COBLL1: variants seen among roughly 807,000 people sequenced by gnomAD.
The protein encoded by COBLL1 is cordon-bleu protein-like 1.
Under a neutral mutation model 94.8 loss-of-function variants are expected in COBLL1, and 50 were observed. The ratio of observed to expected loss-of-function variants is 0.53; its 90% confidence interval spans 0.42 to 0.67. The LOEUF (loss-of-function observed/expected upper bound fraction) is 0.67. COBLL1 is among the 30% of genes least tolerant of loss of function. The probability of loss-of-function intolerance (pLI) is 0.00; values close to 1 mark genes in which losing one functional copy is unlikely to be tolerated. For missense variants in COBLL1, 1,362 were observed against 1,348.7 expected (o/e 1.01, Z -0.15); for synonymous variants, 448 against 473.8 (o/e 0.95, Z 0.71).
chr2:164,757,882 T>C (rs1483249004), intron 2 of COBLL1, among the ~76,000 whole-genome samples: 1 of 151,900 alleles, frequency 6.6e-6, no homozygotes, highest in Non-Finnish European at 1.5e-5. Flanking sequence ...TTTCAGTTTG[T>C]CTCTGGGTTT....
At chr2:164,799,019 C>CAAAAAA (rs555113117) in intron 2 of COBLL1, among the ~76,000 whole-genome samples, 1,606 of 69,162 alleles carry the variant, frequency 0.023, 102 homozygotes, top group South Asian at 0.031. Flanking sequence ...GACTCCGTCT[C>CAAAAAA]AAAAAAAAAA....
chr2:164,841,013 C>T lies in COBLL1; in HGVS notation c.41+143G>A. 1 of 950,354 alleles carries T rather than the reference C, an allele frequency of 1.1e-6. No individual in the cohort carries two copies. The highest frequency in any genetic ancestry group is 1.4e-6 in the Non-Finnish European group (1 of 733,620). The allele number at this position is 950,354 out of a possible 1,614,324, so 58.9% of individuals were successfully genotyped here. ...TCCGAGAAGGCCGGGAGGAAGCAGC[C>T]TCCCCGGCCGCGTGGAGGACAGTCA... On this transcript the variant is annotated intron_variant, in intron 2 of 13. Coordinates refer to ENST00000652658, the MANE Select transcript of COBLL1 (RefSeq NM_001365672.2). The surrounding 1 kb of genome is among the most constrained non-coding windows in gnomAD (Gnocchi z 5.5).
intron 2 of COBLL1, among the ~76,000 whole-genome samples, chr2:164,756,579 T>C (rs1024761595): frequency 2.0e-5 from 3 of 152,172 alleles, no homozygotes; most frequent in East Asian, 1.9e-4. Context: ...TATTCTAGTA[T>C]CTATAAATTT....
At chr2:164,777,302 G>A (rs560705536) in intron 2 of COBLL1, among the ~76,000 whole-genome samples, 90 of 149,844 alleles carry the variant, frequency 6.0e-4, no homozygotes, top group Non-Finnish European at 1.0e-3. Context: ...AATATGCCAG[G>A]AAGAACAAAA....
chr2:164,802,974 G>T (rs1683888668), intron 2 of COBLL1, among the ~76,000 whole-genome samples: 2 of 152,094 alleles, frequency 1.3e-5, no homozygotes, highest in Admixed American at 6.5e-5. Flanking sequence ...TCTTTCTGAA[G>T]AACAGAAATT....
chr2:164,767,628 C>T lies in COBLL1; in HGVS notation c.42-23753G>A, dbSNP rs184042721. 5.2e-3 allele frequency among the ~76,000 whole-genome samples: 792 copies of T among 152,228 alleles called. 12 individuals are homozygous for T. The highest frequency in any genetic ancestry group is 0.018 in the African/African-American group (731 of 41,540). Reference sequence around the variant, plus strand: ...GTTCTCCTTTTCTACGTAGATCAAACATTTCAACACATCTGCAAAATAATT... The same window carrying T: ...GTTCTCCTTTTCTACGTAGATCAAATATTTCAACACATCTGCAAAATAATT... On this transcript the variant is annotated intron_variant, in intron 2 of 13. Coordinates refer to ENST00000652658, the MANE Select transcript of COBLL1 (RefSeq NM_001365672.2).
chr2:164,834,494 A>G (rs1312217574), intron 2 of COBLL1, among the ~76,000 whole-genome samples: 1 of 152,264 alleles, frequency 6.6e-6, no homozygotes, highest in African/African-American at 2.4e-5. Flanking sequence ...CACTCCATAC[A>G]GATAATAATT....
rs1049953831 is a variant in COBLL1, at chr2:164,700,161, C to A, written c.1460+361G>T. Among the ~76,000 whole-genome samples, 86 of 151,922 alleles carry A rather than the reference C, an allele frequency of 5.7e-4. 1 individual carries two copies. Among genetic ancestry groups the A allele is most frequent in the African/African-American group, 2.0e-3 (81 of 41,370 alleles). The stretch of plus-strand genomic sequence containing the variant: ...TAATATGCATAATTGTTTTCATATA[C>A]CAGTGAAAATCCACCAGGAATACTT... On this transcript the variant is annotated intron_variant, in intron 10 of 13. Coordinates refer to ENST00000652658, the MANE Select transcript of COBLL1 (RefSeq NM_001365672.2).
intron 9 of COBLL1, chr2:164,703,607 A>G: frequency 2.3e-6 from 1 of 426,922 alleles, no homozygotes; most frequent in Non-Finnish European, 4.7e-6. Context: ...ATATATGCTA[A>G]AATTCCAAAT....
At chr2:164,749,069 C>T (rs1245320637) in intron 2 of COBLL1, among the ~76,000 whole-genome samples, 2 of 151,928 alleles carry the variant, frequency 1.3e-5, no homozygotes, top group East Asian at 3.8e-4. Context: ...ATCATTACTC[C>T]ATTACTGTCA....
chr2:164,820,333 C>T (rs779501644), intron 2 of COBLL1, among the ~76,000 whole-genome samples: 5 of 152,114 alleles, frequency 3.3e-5, no homozygotes, highest in Non-Finnish European at 7.4e-5. Flanking sequence ...GATCCTTTCA[C>T]CTCAGCCTCC....
At chr2:164,736,855 A>C (rs1240545289) in intron 3 of COBLL1, among the ~76,000 whole-genome samples, 1 of 152,232 alleles carries the variant, frequency 6.6e-6, no homozygotes, top group Non-Finnish European at 1.5e-5. Flanking sequence ...ATATATGTGC[A>C]TGCCTAAGAA....
intron 2 of COBLL1, among the ~76,000 whole-genome samples, chr2:164,801,331 C>T (rs1006505367): frequency 6.9e-6 from 1 of 145,366 alleles, no homozygotes; most frequent in Non-Finnish European, 1.5e-5. Context: ...CCCAGCTACT[C>T]GGGAGGCTGA....
chr2:164,825,310 C>T (rs1462152768), intron 2 of COBLL1, among the ~76,000 whole-genome samples: 1 of 152,172 alleles, frequency 6.6e-6, no homozygotes, highest in Non-Finnish European at 1.5e-5. Context: ...TTATATACTA[C>T]TTGTGAAACA....
At chr2:164,818,558 T>C (rs558980738) in intron 2 of COBLL1, among the ~76,000 whole-genome samples, 11 of 148,650 alleles carry the variant, frequency 7.4e-5, no homozygotes, top group African/African-American at 2.7e-4. Flanking sequence ...TGTACATATG[T>C]ACACATATAT....
chr2:164,797,600 T>C (rs1290424859), intron 2 of COBLL1, among the ~76,000 whole-genome samples: 1 of 152,204 alleles, frequency 6.6e-6, no homozygotes, highest in East Asian at 1.9e-4. Context: ...TATGACCATG[T>C]ACCCGGTCCT....
intron 7 of COBLL1, among the ~76,000 whole-genome samples, chr2:164,712,383 A>G (rs1055714269): frequency 1.3e-5 from 2 of 152,148 alleles, no homozygotes; most frequent in Non-Finnish European, 2.9e-5. Flanking sequence ...GGGTGGGGTT[A>G]GTGGAGAGAA....
chr2:164,666,252 T>G (rs1194425790), intron 1 of COBLL1, among the ~76,000 whole-genome samples: 2 of 152,164 alleles, frequency 1.3e-5, no homozygotes, highest in African/African-American at 4.8e-5. Context: ...GTCACACAAA[T>G]TTTTTGGTTG....
chr2:164,841,147 T>G lies in COBLL1; in HGVS notation c.41+9A>C, dbSNP rs529858917. 8.1e-7 allele frequency: 1 copy of G among 1,229,592 alleles called. No individual in the cohort carries two copies. Among genetic ancestry groups the G allele is most frequent in the South Asian group, 4.1e-5 (1 of 24,316 alleles). 76.2% of individuals were successfully genotyped at this position (1,229,592 alleles called of 1,614,324 possible). ...CCCGGTGAGAGGCGGCGCGGCGCTC[T>G]GGGCTTACCTGGCTGGGGCGTCCTG... On this transcript the variant is annotated intron_variant, in intron 2 of 13. Coordinates refer to ENST00000652658, the MANE Select transcript of COBLL1 (RefSeq NM_001365672.2). This position sits in a 1 kb window ranked among gnomAD's most constrained non-coding sequence, Gnocchi z 5.5.
Sources: allele counts gnomAD v4.1 joint callset (sites outside exome capture counted in the v4.1 genomes callset), GRCh38; gene constraint gnomAD v4.1.1; non-coding constraint Gnocchi (gnomAD v3.1); transcripts MANE v1.5; gene names NCBI Gene and HGNC (gene_info 2026-07-23, HGNC 2026-07-21).